Variants in SRGAP3 observed in about 807,000 individuals in gnomAD.
SRGAP3 encodes the protein SLIT-ROBO Rho GTPase-activating protein 3.
SRGAP3 carries 39 observed loss-of-function variants against 121.1 expected under a neutral mutation model. That is an observed-to-expected ratio of 0.32 (90% CI 0.25 to 0.42). The LOEUF is 0.42. SRGAP3 is among the 10% of genes least tolerant of loss of function. The probability of loss-of-function intolerance (pLI) is 1.00; values close to 1 mark genes in which losing one functional copy is unlikely to be tolerated. For synonymous variants in SRGAP3, 601 were observed against 570.0 expected (o/e 1.05, Z -0.77); for missense variants, 1,213 against 1,470.6 (o/e 0.82, Z 2.86).
At chr3:9,156,239 T>C (rs541352927) in intron 1 of SRGAP3, among the ~76,000 whole-genome samples, 56 of 152,314 alleles carry the variant, frequency 3.7e-4, no homozygotes, top group Admixed American at 3.3e-3. Flanking sequence ...GGTTTTTGTG[T>C]GTGTTTTGTT....
chr3:9,355,012 T>A (rs1293346240), intron 1 of SRGAP3, among the ~76,000 whole-genome samples: 1 of 152,222 alleles, frequency 6.6e-6, no homozygotes, highest in Non-Finnish European at 1.5e-5. Context: ...TTTTTCTTTG[T>A]AATAAACCAG....
chr3:9,343,031 G>A (rs773087571), intron 1 of SRGAP3, among the ~76,000 whole-genome samples: 3 of 152,134 alleles, frequency 2.0e-5, no homozygotes, highest in Non-Finnish European at 4.4e-5. Context: ...CTTGTCCCCT[G>A]GCATCCCCTG....
chr3:9,257,055 A>G (rs1954145878), intron 3 of SRGAP3: 3 of 392,400 alleles, frequency 7.6e-6, no homozygotes, highest in Non-Finnish European at 1.3e-5. Context: ...TTCTTTATCT[A>G]TTCCTCAGTT....
At chr3:9,080,144 A>T in intron 3 of SRGAP3, 57 bp from the exon 4 acceptor site, 2 of 1,584,684 alleles carry the variant, frequency 1.3e-6, no homozygotes, top group Non-Finnish European at 1.7e-6. Flanking sequence ...TACATTTACC[A>T]ATCTCTTTTC....
intron 3 of SRGAP3, among the ~76,000 whole-genome samples, chr3:9,322,549 C>G (rs1955455127): frequency 6.6e-6 from 1 of 151,832 alleles, no homozygotes; most frequent in African/African-American, 2.4e-5. Context: ...AGCTCCACCT[C>G]CTGTTGCATC....
intron 4 of SRGAP3, among the ~76,000 whole-genome samples, chr3:9,075,430 T>C (rs2669991): frequency 0.84 from 128,486 of 152,192 alleles, 54,397 homozygotes; most frequent in African/African-American, 0.89. Flanking sequence ...TGCTAGCATG[T>C]TTTAAAGAGG....
Position 9,316,528 on chromosome 3 carries a change from G to A in SRGAP3, n.442+9482C>T, listed in dbSNP as rs907768573. 2.6e-5 allele frequency among the ~76,000 whole-genome samples: 4 copies of A among 152,094 alleles called. No homozygotes were observed. In the East Asian group the frequency reaches 7.8e-4, roughly 30 times the overall value. On this transcript the variant is annotated intron_variant and non_coding_transcript_variant, in intron 3 of 3. Transcript: ENST00000490889. Reference sequence around the variant, plus strand: ...AAAAAAATTAGCTGGGCATGGTGGCGCATGCCTTGCAGTCCCAGCTACTCG... The same window carrying A: ...AAAAAAATTAGCTGGGCATGGTGGCACATGCCTTGCAGTCCCAGCTACTCG...
At chr3:9,045,930 A>C (rs1479746417) in intron 10 of SRGAP3, among the ~76,000 whole-genome samples, 1 of 151,520 alleles carries the variant, frequency 6.6e-6, no homozygotes, top group Non-Finnish European at 1.5e-5. Flanking sequence ...TGGCACCCAC[A>C]CCCTGAGCTC....
chr3:9,362,410 C>T (rs547363484), intron 1 of SRGAP3, among the ~76,000 whole-genome samples: 6 of 150,590 alleles, frequency 4.0e-5, no homozygotes, highest in East Asian at 3.9e-4. Context: ...GTGATCCACC[C>T]GCCTCAGCCT....
At position 9,249,450 on chromosome 3, in the gene SRGAP3, G is replaced by C; in HGVS notation, c.-499C>G. On this transcript the variant is annotated 5_prime_UTR_variant, in exon 1 of 22. Coordinates refer to ENST00000383836, the MANE Select transcript of SRGAP3 (RefSeq NM_014850.4). The stretch of plus-strand genomic sequence containing the variant: ...TCCACGAGAGGCGCGGCGCCTCTTT[G>C]GTCGTGCAGCCAGCCCCTGGCTTGC... 8.0e-6 allele frequency: 2 copies of C among 249,552 alleles called. No individual in the cohort carries two copies. Among genetic ancestry groups the C allele is most frequent in the Non-Finnish European group, 1.6e-5 (2 of 127,160 alleles). The allele number at this position is 249,552 out of a possible 1,614,324, so 15.5% of individuals were successfully genotyped here.
At chr3:9,215,853 T>G (rs1346077423) in intron 1 of SRGAP3, among the ~76,000 whole-genome samples, 1 of 152,206 alleles carries the variant, frequency 6.6e-6, no homozygotes, top group African/African-American at 2.4e-5. Context: ...CACCATTGGC[T>G]TCTCTGGTTC....
chr3:8,987,917 A>G (rs773471479), intron 21 of SRGAP3, among the ~76,000 whole-genome samples: 8 of 152,178 alleles, frequency 5.3e-5, no homozygotes, highest in Middle Eastern at 3.4e-3. Flanking sequence ...GAAGCCCCCT[A>G]TTGACCTCAC....
intron 1 of SRGAP3, among the ~76,000 whole-genome samples, chr3:9,209,529 C>T (rs1202601279): frequency 1.3e-5 from 2 of 152,162 alleles, no homozygotes. Flanking sequence ...ACAGTGGTGG[C>T]ATAAATTAGG....
chr3:9,357,552 T>C (rs2125297516), intron 1 of SRGAP3, among the ~76,000 whole-genome samples: 1 of 150,408 alleles, frequency 6.6e-6, no homozygotes. Flanking sequence ...TGATAATTTA[T>C]CCTTAAGGAA....
intron 3 of SRGAP3, among the ~76,000 whole-genome samples, chr3:9,311,530 G>C (rs961715878): frequency 3.3e-5 from 5 of 152,164 alleles, no homozygotes; most frequent in African/African-American, 7.2e-5. Context: ...CAGTACAAAA[G>C]CAGCCACATC....
chr3:9,282,084 C>T (rs1193906613), intron 3 of SRGAP3, among the ~76,000 whole-genome samples: 2 of 152,206 alleles, frequency 1.3e-5, no homozygotes, highest in Non-Finnish European at 2.9e-5. Flanking sequence ...CTGACATAAA[C>T]CGACCATTCA....
At position 9,354,681 on chromosome 3, in the gene SRGAP3, CAAAAAAAAA is replaced by C. The variant is rs34026081; in HGVS notation, n.214+8150_214+8158del. ...GGGGTGACAGAGCGAGACTCCATCT[CAAAAAAAAA>C]AAAAAAAAAAAGAATAGGCAAGGAT... is the stretch of plus-strand genomic sequence containing the variant. On this transcript the variant is annotated intron_variant and non_coding_transcript_variant, in intron 1 of 3. Coordinates refer to the SRGAP3 transcript ENST00000490889. Among the ~76,000 whole-genome samples, 7 of 70,808 alleles carry C rather than the reference CAAAAAAAAA, an allele frequency of 9.9e-5. No individual in the cohort carries two copies. The East Asian group carries it at 1.1e-3, about 11-fold the overall frequency. The allele number at this position is 70,808 out of a possible 152,430, so 46.5% of individuals were successfully genotyped here.
At chr3:9,083,899 C>G (rs1284224355) in intron 3 of SRGAP3, among the ~76,000 whole-genome samples, 2 of 152,084 alleles carry the variant, frequency 1.3e-5, no homozygotes, top group Non-Finnish European at 2.9e-5. Flanking sequence ...TCTGTCCTGC[C>G]CAGGAGACCT....
At chr3:9,044,868 A>C (rs1480075117) in intron 10 of SRGAP3, among the ~76,000 whole-genome samples, 1 of 152,194 alleles carries the variant, frequency 6.6e-6, no homozygotes, top group African/African-American at 2.4e-5. Flanking sequence ...CCAATTGATC[A>C]ATTTATCAAT....
Sources: allele counts gnomAD v4.1 joint callset (sites outside exome capture counted in the v4.1 genomes callset), GRCh38; gene constraint gnomAD v4.1.1; transcripts MANE v1.5; gene names NCBI Gene and HGNC (gene_info 2026-07-23, HGNC 2026-07-21).